The following PRPSAP1 variants were observed in gnomAD, a reference collection of about 807,000 sequenced individuals.
The protein encoded by PRPSAP1 is phosphoribosyl pyrophosphate synthase-associated protein 1.
Under a neutral mutation model 39.4 loss-of-function variants are expected in PRPSAP1, and 31 were observed. That is an observed-to-expected ratio of 0.79 (90% CI 0.59 to 1.06). The LOEUF (loss-of-function observed/expected upper bound fraction) is 1.06. Among genes scored for constraint, PRPSAP1 ranks in the 50% least tolerant of loss-of-function variants. The pLI is 0.00. For synonymous variants in PRPSAP1, 212 were observed against 192.6 expected, an observed-to-expected ratio of 1.10 and a Z score of -0.83; for missense variants, 430 against 511.6, an observed-to-expected ratio of 0.84 and a Z score of 1.54.
rs1161041608 is a variant in PRPSAP1 at position 76,309,956 on chromosome 17, T to C, written c.*1586A>G. 1.3e-5 allele frequency: 2 copies of C among 152,040 alleles called. No individual in the cohort carries two copies. The highest frequency in any genetic ancestry group is 2.4e-5 in the African/African-American group (1 of 41,350). The allele number at this position is 152,040 out of a possible 1,614,324, so 9.4% of individuals were successfully genotyped here. A position where few individuals can be genotyped will look rare whatever the true frequency, so the allele number is the denominator to read the frequency against. The stretch of plus-strand genomic sequence containing the variant: ...AATAACTTGGGACACAGTAGGCCTT[T>C]AAGGGGTTATCAAAATAACTAGTTC... On this transcript the variant is annotated 3_prime_UTR_variant, in exon 10 of 10. Coordinates refer to ENST00000446526, the MANE Select transcript of PRPSAP1 (RefSeq NM_002766.3).
At chr17:76,332,967 T>C (rs1428244899) in intron 3 of PRPSAP1, among the ~76,000 whole-genome samples, 1 of 151,650 alleles carries the variant, frequency 6.6e-6, no homozygotes, top group Non-Finnish European at 1.5e-5. Flanking sequence ...CTCAGCTCAC[T>C]GCAGGCTCCG....
At chr17:76,331,670 A>G (rs536168850) in intron 4 of PRPSAP1, among the ~76,000 whole-genome samples, 1 of 152,278 alleles carries the variant, frequency 6.6e-6, no homozygotes, top group South Asian at 2.1e-4. Flanking sequence ...AACCAATCCT[A>G]TAAGGACATT....
chr17:76,319,518 G>A (rs1182870480), intron 7 of PRPSAP1: 3 of 151,942 alleles, frequency 2.0e-5, no homozygotes, highest in Non-Finnish European at 4.4e-5. Flanking sequence ...ACCCACGCTG[G>A]AATGCAGTGG....
chr17:76,337,633 T>C (rs554906367), intron 3 of PRPSAP1, among the ~76,000 whole-genome samples: 32 of 152,174 alleles, frequency 2.1e-4, no homozygotes, highest in Admixed American at 1.4e-3. Context: ...TGAGTCACTC[T>C]GTCACCCAGG....
chr17:76,314,108 T>G (rs1476881212), intron 7 of PRPSAP1: 1 of 562,690 alleles, frequency 1.8e-6, no homozygotes, highest in African/African-American at 1.9e-5. Flanking sequence ...ACTTTGAATT[T>G]TCTAGTAGCC....
At chr17:76,323,544 A>T (rs748139787) in intron 7 of PRPSAP1, among the ~76,000 whole-genome samples, 1 of 151,980 alleles carries the variant, frequency 6.6e-6, no homozygotes, top group African/African-American at 2.4e-5. Flanking sequence ...CTCATGGATG[A>T]CTCTGAGGAG....
At chr17:76,329,292 T>G (rs1036963179) in intron 6 of PRPSAP1, among the ~76,000 whole-genome samples, 2 of 152,112 alleles carry the variant, frequency 1.3e-5, no homozygotes, top group Non-Finnish European at 2.9e-5. Context: ...CTTGAACCCC[T>G]GGGCTCAAGC....
chr17:76,353,999 T>C (rs574894669), upstream of PRPSAP1: 73 of 1,232,302 alleles, frequency 5.9e-5, no homozygotes, highest in African/African-American at 1.1e-3. Context: ...GCAGGGAGCC[T>C]GGCGACTCTC....
chr17:76,353,501 G>GC, intron 1 of PRPSAP1, 33 bp downstream of exon 1: 1 of 1,469,008 alleles, frequency 6.8e-7, no homozygotes, highest in African/African-American at 1.5e-5. Flanking sequence ...AGGCGCCGCC[G>GC]CCCCCGGCCC....
At chr17:76,349,101 G>A (rs544038867) in intron 1 of PRPSAP1, among the ~76,000 whole-genome samples, 33 of 150,822 alleles carry the variant, frequency 2.2e-4, no homozygotes, top group South Asian at 4.2e-4. Context: ...ACCTGAGGTC[G>A]GGAGTTTGAG....
chr17:76,350,177 T>C (rs1051912079), intron 1 of PRPSAP1, among the ~76,000 whole-genome samples: 6 of 151,624 alleles, frequency 4.0e-5, no homozygotes, highest in Admixed American at 1.3e-4. Context: ...CAGTGGCTCA[T>C]GCCTGTAATC....
intron 3 of PRPSAP1, among the ~76,000 whole-genome samples, chr17:76,341,811 C>A (rs1293847055): frequency 2.0e-5 from 3 of 151,942 alleles, no homozygotes; most frequent in Admixed American, 2.0e-4. Flanking sequence ...TGGTGGTGGG[C>A]GCCTGTAGTC....
chr17:76,343,788 C>G (rs2071465763), intron 3 of PRPSAP1, among the ~76,000 whole-genome samples: 1 of 151,968 alleles, frequency 6.6e-6, no homozygotes, highest in African/African-American at 2.4e-5. Flanking sequence ...TGAGCCAAGA[C>G]TGTGCCACTG....
chr17:76,350,745 A>C (rs2071559185), intron 1 of PRPSAP1, among the ~76,000 whole-genome samples: 1 of 151,822 alleles, frequency 6.6e-6, no homozygotes, highest in Admixed American at 6.6e-5. Flanking sequence ...AATGGTTAAA[A>C]AGGTAGGCCA....
In PRPSAP1 at chr17:76,344,670, C is replaced by T; in HGVS notation, c.290+1G>A. The T allele has an allele frequency of 6.4e-7, 1 of 1,557,482 alleles. No individual in the cohort carries two copies. Among genetic ancestry groups the T allele is most frequent in the Non-Finnish European group, 8.8e-7 (1 of 1,141,454 alleles). On this transcript the variant is annotated splice_donor_variant, in intron 3 of 9. Transcript: ENST00000446526. LOFTEE classifies it high-confidence loss of function. ...AGAGATAAAGTAGTCAGTCCTCTTA[C>T]CTGGGTATTGTCTGTATAATGAAAA...
chr17:76,325,467 TAAAAAAA>T (rs947074222), intron 7 of PRPSAP1, among the ~76,000 whole-genome samples: 1 of 146,930 alleles, frequency 6.8e-6, no homozygotes, highest in East Asian at 2.0e-4. Flanking sequence ...CCCCATCTCT[TAAAAAAA>T]AGAAAGAAAA....
intron 1 of PRPSAP1, among the ~76,000 whole-genome samples, chr17:76,350,484 G>A (rs1029842280): frequency 6.6e-6 from 1 of 151,956 alleles, no homozygotes; most frequent in African/African-American, 2.4e-5. Context: ...TGACATGAGG[G>A]AGCCTTGGAC....
At chr17:76,336,172 C>A (rs1390519481) in intron 3 of PRPSAP1, among the ~76,000 whole-genome samples, 1 of 152,212 alleles carries the variant, frequency 6.6e-6, no homozygotes, top group East Asian at 1.9e-4. Context: ...CTGGGCCGGA[C>A]GCGGTGGCTC....
intron 2 of PRPSAP1, among the ~76,000 whole-genome samples, chr17:76,345,071 T>C (rs940436439): frequency 2.0e-5 from 3 of 151,176 alleles, no homozygotes; most frequent in African/African-American, 7.3e-5. Flanking sequence ...CCGTCTCTAC[T>C]AAAAACACAA....
Sources: gnomAD v4.1 joint callset for allele counts (sites outside exome capture counted in the v4.1 genomes callset) on GRCh38, gnomAD v4.1.1 for gene constraint, MANE v1.5 for transcripts, NCBI Gene and HGNC (gene_info 2026-07-23, HGNC 2026-07-21) for gene names.